Variants in TRIO observed in about 807,000 individuals in gnomAD.
The protein encoded by TRIO is triple functional domain protein.
TRIO carries 58 observed loss-of-function variants against 351.9 expected under a neutral mutation model. The ratio of observed to expected loss-of-function variants is 0.16; its 90% CI spans 0.13 to 0.21. The LOEUF is 0.21. TRIO is among the 10% of genes least tolerant of loss of function. TRIO has a pLI of 1.00. For missense variants in TRIO, 3,201 were observed against 4,027.8 expected (o/e 0.79, Z 5.56); for synonymous variants, 1,758 against 1,595.7 (o/e 1.10, Z -2.42).
chr5:14,182,303 G>A (rs1225932078), intron 1 of TRIO, among the ~76,000 whole-genome samples: 1 of 152,156 alleles, frequency 6.6e-6, no homozygotes, highest in African/African-American at 2.4e-5. Flanking sequence ...CTCCTTGTTG[G>A]TTCCCTCTTA....
Position 14,504,502 on chromosome 5 carries a change from C to G in TRIO, c.8521C>G (p.Leu2841Val). ...LMKRDQVTHE[L>V]GILQSLQHPL... Reference sequence around the variant, plus strand: ...GAAGCGCGACCAGGTCACCCATGAGCTTGGCATCCTGCAGAGCCTCCAGCA... The same window carrying G: ...GAAGCGCGACCAGGTCACCCATGAGGTTGGCATCCTGCAGAGCCTCCAGCA... The change falls in exon 55 of 57, where the codon CTT becomes GTT. Residue 2841 changes from leucine (L) to valine (V), a missense_variant. Leu to Val is a conservative substitution (Grantham distance 32, BLOSUM62 1). Coordinates refer to ENST00000344204, the MANE Select transcript of TRIO (RefSeq NM_007118.4). The G allele has an allele frequency of 6.2e-7, 1 of 1,614,170 alleles. No homozygotes were observed. Among genetic ancestry groups the G allele is most frequent in the East Asian group, 2.2e-5 (1 of 44,878 alleles).
chr5:14,359,618 T>C, intron 13 of TRIO, 87 bp downstream of exon 13: 3 of 1,472,036 alleles, frequency 2.0e-6, no homozygotes, highest in Non-Finnish European at 2.8e-6. Context: ...TCTGCCCTGC[T>C]GAGGTCCTGT....
At position 14,350,207 on chromosome 5, in the gene TRIO, A is replaced by G. The variant is rs118024751; in HGVS notation, c.2047-7971A>G. On this transcript the variant is annotated intron_variant, in intron 11 of 56. Coordinates refer to ENST00000344204, the MANE Select transcript of TRIO (RefSeq NM_007118.4). Reference sequence around the variant, plus strand: ...GGAAAGGCAGGCAGGCTGTGAGAACATGGGCACGATCTGCAGGTATTTGAA... The same window carrying G: ...GGAAAGGCAGGCAGGCTGTGAGAACGTGGGCACGATCTGCAGGTATTTGAA... Among the ~76,000 whole-genome samples, 349 of 152,296 alleles carry G rather than the reference A, an allele frequency of 2.3e-3. 13 individuals carry two copies. The East Asian group carries it at 0.062, about 27-fold the overall frequency.
At chr5:14,152,714 G>A (rs984275370) in intron 1 of TRIO, among the ~76,000 whole-genome samples, 4 of 152,148 alleles carry the variant, frequency 2.6e-5, no homozygotes, top group Non-Finnish European at 5.9e-5. Flanking sequence ...AAATTTTGTT[G>A]CACTTACCCT....
chr5:14,437,850 T>C (rs1486031541), intron 34 of TRIO, among the ~76,000 whole-genome samples: 1 of 152,136 alleles, frequency 6.6e-6, no homozygotes, highest in East Asian at 1.9e-4. Flanking sequence ...TGTAATGATT[T>C]GGTTTGGGGC....
At chr5:14,307,848 A>G (rs950861651) in intron 8 of TRIO, among the ~76,000 whole-genome samples, 7 of 152,242 alleles carry the variant, frequency 4.6e-5, no homozygotes, top group Admixed American at 3.3e-4. Context: ...GCTTTCTACC[A>G]TAAGAATGAG....
chr5:14,147,532 A>G (rs1305834381), intron 1 of TRIO, among the ~76,000 whole-genome samples: 1 of 152,180 alleles, frequency 6.6e-6, no homozygotes, highest in African/African-American at 2.4e-5. Context: ...CGTTAAATGA[A>G]TATCTGGAGA....
At chr5:14,379,632 A>G (rs1343115818) in intron 20 of TRIO, among the ~76,000 whole-genome samples, 2 of 152,230 alleles carry the variant, frequency 1.3e-5, no homozygotes, top group African/African-American at 4.8e-5. Flanking sequence ...TAGATTTCTA[A>G]TTAGAGATGG....
At chr5:14,392,445 T>A (rs1442801784) in intron 27 of TRIO, among the ~76,000 whole-genome samples, 1 of 152,216 alleles carries the variant, frequency 6.6e-6, no homozygotes, top group Admixed American at 6.5e-5. Context: ...GTGGTGAGGC[T>A]GTGGAGAAAT....
Position 14,496,984 on chromosome 5 carries a change from A to G in TRIO, c.7986A>G (p.Ser2662=). ...AGTTAGAGAACGGTTATCGGAAGTC[A>G]CGGGAAGGACTCAGCAACAAGGTAT... ...EGKLENGYRK[S]REGLSNKVSV... The change falls in exon 50 of 57, where the codon TCA becomes TCG. Residue 2662 remains serine, a synonymous_variant. Coordinates refer to ENST00000344204, the MANE Select transcript of TRIO (RefSeq NM_007118.4). 1.2e-6 allele frequency: 2 copies of G among 1,614,214 alleles called. No individual in the cohort carries two copies. The highest frequency in any genetic ancestry group is 8.5e-7 in the Non-Finnish European group (1 of 1,180,036).
At chr5:14,295,553 A>G (rs1737286647) in intron 6 of TRIO, among the ~76,000 whole-genome samples, 1 of 152,270 alleles carries the variant, frequency 6.6e-6, no homozygotes, top group African/African-American at 2.4e-5. Flanking sequence ...CCAAGGAGAC[A>G]TCTCTTCTCC....
chr5:14,349,388 TA>T (rs1179111666), intron 11 of TRIO, among the ~76,000 whole-genome samples: 1 of 152,266 alleles, frequency 6.6e-6, no homozygotes, highest in African/African-American at 2.4e-5. Flanking sequence ...GTGTGTGTTT[TA>T]CCCTATTATT....
In TRIO at chr5:14,143,773, C is replaced by T; in HGVS notation, c.48C>T (p.Gly16=). 9.9e-7 allele frequency: 1 copy of T among 1,010,270 alleles called. No homozygotes were observed. The highest frequency in any genetic ancestry group is 1.2e-6 in the Non-Finnish European group (1 of 848,138). 62.6% of individuals were successfully genotyped at this position (1,010,270 alleles called of 1,614,324 possible). The part of the protein sequence containing the change: ...GGAAAPAASS[G]PAAAASAAGS... ...CCGCCGCCCCCGCCGCGTCCTCCGG[C>T]CCCGCCGCGGCGGCCAGCGCGGCTG... Residue 16 remains glycine, a synonymous_variant, in exon 1 of 57, where the codon GGC becomes GGT. Coordinates refer to ENST00000344204, the MANE Select transcript of TRIO (RefSeq NM_007118.4).
chr5:14,150,319 T>C (rs1215895430), intron 1 of TRIO, among the ~76,000 whole-genome samples: 1 of 147,282 alleles, frequency 6.8e-6, no homozygotes, highest in Admixed American at 6.8e-5. Flanking sequence ...GGTGGGGGAG[T>C]ATGGCTACAA....
chr5:14,257,342 A>C (rs1795080704), intron 1 of TRIO, among the ~76,000 whole-genome samples: 2 of 152,230 alleles, frequency 1.3e-5, no homozygotes, highest in African/African-American at 2.4e-5. Context: ...CGGAATTCTT[A>C]GCACAAGTAA....
At chr5:14,179,611 A>ATTTT (rs60266582) in intron 1 of TRIO, among the ~76,000 whole-genome samples, 3 of 143,734 alleles carry the variant, frequency 2.1e-5, no homozygotes, top group African/African-American at 7.5e-5. Flanking sequence ...TCAGTTTTTG[A>ATTTT]TTTTTTTTTT....
intron 34 of TRIO, among the ~76,000 whole-genome samples, chr5:14,426,276 C>CTG (rs1750635847): frequency 6.6e-6 from 1 of 152,184 alleles, no homozygotes; most frequent in African/African-American, 2.4e-5. Context: ...TCTCTTGGAG[C>CTG]TGTACATCAG....
intron 2 of TRIO, among the ~76,000 whole-genome samples, chr5:14,275,750 A>G (rs1035071735): frequency 6.6e-6 from 1 of 151,182 alleles, no homozygotes; most frequent in Non-Finnish European, 1.5e-5. Context: ...AGTATATAGC[A>G]GCACATAATA....
chr5:14,230,839 G>A (rs1486123599), intron 1 of TRIO, among the ~76,000 whole-genome samples: 2 of 152,134 alleles, frequency 1.3e-5, no homozygotes, highest in Admixed American at 6.6e-5. Flanking sequence ...AATGTGTAGT[G>A]TACTGTTTCT....
Sources: allele counts gnomAD v4.1 joint callset (sites outside exome capture counted in the v4.1 genomes callset), GRCh38; gene constraint gnomAD v4.1.1; transcripts MANE v1.5; gene names NCBI Gene and HGNC (gene_info 2026-07-23, HGNC 2026-07-21).